Variants in EPB41 observed in about 807,000 individuals in gnomAD.
EPB41 encodes the protein erythrocyte membrane protein band 4.1.
Under a neutral mutation model 108.0 loss-of-function variants are expected in EPB41, and 65 were observed. The ratio of observed to expected loss-of-function variants is 0.60; its 90% CI spans 0.49 to 0.74. The LOEUF (loss-of-function observed/expected upper bound fraction) is 0.74, where lower values mean the gene tolerates loss of function less well. Among genes scored for constraint, EPB41 ranks in the 30% least tolerant of loss-of-function variants. The pLI is 0.00. For synonymous variants in EPB41, 336 were observed against 358.9 expected, an observed-to-expected ratio of 0.94 and a Z score of 0.72; for missense variants, 875 against 1,037.0, an observed-to-expected ratio of 0.84 and a Z score of 2.15.
chr1:28,940,773 A>C (rs918179011), intron 1 of EPB41, among the ~76,000 whole-genome samples: 3 of 152,188 alleles, frequency 2.0e-5, no homozygotes, highest in African/African-American at 7.2e-5. Context: ...GGAAACAAAA[A>C]CATCCAGAGT....
At chr1:29,036,171 T>C (rs1025184978) in intron 10 of EPB41, among the ~76,000 whole-genome samples, 2 of 152,038 alleles carry the variant, frequency 1.3e-5, no homozygotes, top group African/African-American at 2.4e-5. Flanking sequence ...GAACCTGTAT[T>C]TACCAGGGAC....
chr1:29,089,931 C>A (rs139540297), intron 16 of EPB41, among the ~76,000 whole-genome samples: 1 of 152,006 alleles, frequency 6.6e-6, no homozygotes, highest in Non-Finnish European at 1.5e-5. Flanking sequence ...GAAGAAAAAC[C>A]GTTGAGGGCA....
At chr1:29,004,434 C>G (rs1268880661) in intron 4 of EPB41, among the ~76,000 whole-genome samples, 1 of 152,198 alleles carries the variant, frequency 6.6e-6, no homozygotes, top group Non-Finnish European at 1.5e-5. Flanking sequence ...CCTTCACAGG[C>G]AAAGAGCAAA....
intron 1 of EPB41, among the ~76,000 whole-genome samples, chr1:28,923,089 C>A (rs1428349452): frequency 6.8e-6 from 1 of 148,102 alleles, no homozygotes; most frequent in East Asian, 2.0e-4. Flanking sequence ...CTTTTTCTTC[C>A]TTCTTTCCTT....
intron 16 of EPB41, among the ~76,000 whole-genome samples, chr1:29,084,704 T>G (rs528598338): frequency 2.2e-4 from 33 of 152,238 alleles, no homozygotes; most frequent in Admixed American, 3.9e-4. Flanking sequence ...ATATTCTATT[T>G]TCTTTCTTAA....
At chr1:28,915,254 G>C (rs2092541358) in intron 1 of EPB41, among the ~76,000 whole-genome samples, 1 of 152,170 alleles carries the variant, frequency 6.6e-6, no homozygotes, top group Non-Finnish European at 1.5e-5. Flanking sequence ...AGACTTCGCA[G>C]GCCTTCCCGC....
At chr1:28,931,000 C>T (rs2093714308) in intron 1 of EPB41, among the ~76,000 whole-genome samples, 1 of 151,846 alleles carries the variant, frequency 6.6e-6, no homozygotes, top group Non-Finnish European at 1.5e-5. Context: ...GAATACTTAT[C>T]AACAGAGACT....
chr1:28,964,214 C>T lies in EPB41; in HGVS notation c.-7-23217C>T, dbSNP rs540426475. 9.2e-5 allele frequency among the ~76,000 whole-genome samples: 14 copies of T among 152,160 alleles called. No homozygotes were observed. In the South Asian group the frequency reaches 2.9e-3, roughly 32 times the overall value. Reference sequence around the variant, plus strand: ...CAGCACTTTGGGAGGTTGAGGCGGGCGATCACTTTAGGTCAGGAATTTGAG... The same window carrying T: ...CAGCACTTTGGGAGGTTGAGGCGGGTGATCACTTTAGGTCAGGAATTTGAG... On this transcript the variant is annotated intron_variant, in intron 1 of 20. Transcript: ENST00000343067.
At chr1:28,944,257 T>C (rs1420200973) in intron 1 of EPB41, among the ~76,000 whole-genome samples, 1 of 151,918 alleles carries the variant, frequency 6.6e-6, no homozygotes, top group East Asian at 1.9e-4. Flanking sequence ...GATGAGGATG[T>C]TAATTGGTTA....
Position 29,065,090 on chromosome 1 carries a change from A to C in EPB41, c.2116A>C (p.Lys706Gln). Residue 706 changes from lysine to glutamine, a missense_variant, in exon 16 of 21, where the codon AAA becomes CAA. Lys to Gln is a moderately conservative substitution (Grantham distance 53, BLOSUM62 1). Around this residue, in one of 3 missense-constraint regions of EPB41, gnomAD observed 519 missense variants for 627.3 expected, o/e 0.83. Coordinates refer to ENST00000343067, the MANE Select transcript of EPB41 (RefSeq NM_001376013.1). ...AGAACCACGGCCTAGTGAATGGGAT[A>C]AACGCTTATCCACTCACTCACCCTT... ...VPEPRPSEWD[K>Q]RLSTHSPFRT... The C allele has an allele frequency of 6.2e-7, 1 of 1,614,214 alleles. No individual in the cohort carries two copies.
chr1:29,059,822 G>A (rs1159085921), intron 14 of EPB41, among the ~76,000 whole-genome samples: 3 of 152,154 alleles, frequency 2.0e-5, no homozygotes, highest in Non-Finnish European at 4.4e-5. Flanking sequence ...ACTGTGTACA[G>A]CCGACTTCTC....
At chr1:28,979,688 G>C (rs2095689653) in intron 1 of EPB41, among the ~76,000 whole-genome samples, 1 of 149,612 alleles carries the variant, frequency 6.7e-6, no homozygotes, top group Admixed American at 6.7e-5. Flanking sequence ...TTTGGCTAAT[G>C]GATGGTACTT....
upstream of EPB41, among the ~76,000 whole-genome samples, chr1:28,910,252 C>T (rs2092164467): frequency 6.6e-6 from 1 of 152,178 alleles, no homozygotes; most frequent in South Asian, 2.1e-4. Flanking sequence ...AATTAATCCC[C>T]ATCCCACTGT....
At chr1:29,109,477 C>T in intron 18 of EPB41, 40 bp downstream of exon 18, 1 of 1,561,698 alleles carries the variant, frequency 6.4e-7, no homozygotes, top group South Asian at 1.1e-5. Context: ...AACCCAGGGG[C>T]AGGCTAAGCT....
chr1:29,035,747 CTCTGGTACTGTATCACTGTAA>C (rs1639202241), intron 9 of EPB41, 58 bp from the exon 10 acceptor site: 2 of 1,062,374 alleles, frequency 1.9e-6, no homozygotes, highest in Non-Finnish European at 2.9e-6. Flanking sequence ...CACCATATTT[CTCTGGTACTGTATCACTGTAA>C]TCTGGTACTG....
chr1:29,087,102 C>T (rs184242765), intron 16 of EPB41, among the ~76,000 whole-genome samples: 64 of 151,696 alleles, frequency 4.2e-4, no homozygotes, highest in African/African-American at 1.5e-3. Flanking sequence ...CCACCATGCC[C>T]GGCTAATTTT....
At chr1:29,095,662 C>T (rs909272935) in intron 16 of EPB41, among the ~76,000 whole-genome samples, 1 of 151,918 alleles carries the variant, frequency 6.6e-6, no homozygotes, top group Non-Finnish European at 1.5e-5. Context: ...GTTCTAGCTA[C>T]TCTGGAGGCT....
chr1:28,907,218 C>A (rs1019431872), intron 1 of EPB41, among the ~76,000 whole-genome samples: 1 of 151,962 alleles, frequency 6.6e-6, no homozygotes, highest in Non-Finnish European at 1.5e-5. Context: ...GTGCCCGCGA[C>A]CACACCCGGC....
At chr1:29,105,815 C>CTCA (rs1367889905) in intron 17 of EPB41, among the ~76,000 whole-genome samples, 2 of 129,392 alleles carry the variant, frequency 1.5e-5, no homozygotes, top group African/African-American at 5.8e-5. Context: ...GTGGCATGAT[C>CTCA]TCAGCCCACT....
Sources: allele counts gnomAD v4.1 joint callset (sites outside exome capture counted in the v4.1 genomes callset), GRCh38; gene constraint gnomAD v4.1.1; regional missense constraint gnomAD v4.1.1; transcripts MANE v1.5; gene names NCBI Gene and HGNC (gene_info 2026-07-23, HGNC 2026-07-21).